ZFYVE26: variants seen among roughly 807,000 people sequenced by gnomAD.
ZFYVE26 encodes zinc finger FYVE-type containing 26.
In ZFYVE26, 181 loss-of-function variants were observed where a neutral mutation model predicts 276.5. The ratio of observed to expected loss-of-function variants is 0.65; its 90% CI spans 0.58 to 0.74. The LOEUF (loss-of-function observed/expected upper bound fraction) is 0.74. Among genes scored for constraint, ZFYVE26 ranks in the 30% least tolerant of loss-of-function variants. ZFYVE26 has a pLI of 0.00. For synonymous variants in ZFYVE26, 1,129 were observed against 1,203.1 expected, an observed-to-expected ratio of 0.94 and a Z score of 1.27; for missense variants, 2,821 against 3,097.9, an observed-to-expected ratio of 0.91 and a Z score of 2.12.
intron 13 of ZFYVE26, among the ~76,000 whole-genome samples, chr14:67,738,267 T>G (rs2140168290): frequency 6.6e-6 from 1 of 151,140 alleles, no homozygotes; most frequent in South Asian, 2.1e-4. Context: ...AGCCTAAAAG[T>G]CCATCAGTTG....
chr14:67,768,395 G>T, intron 30 of ZFYVE26, 122 bp downstream of exon 30: 1 of 1,155,840 alleles, frequency 8.7e-7, no homozygotes, highest in Non-Finnish European at 1.3e-6. Context: ...AATTTGCTTT[G>T]GCAAACAAGT....
rs181567 is a variant in ZFYVE26, at chr14:67,809,533, A to G, written c.274-244T>C. 0.7 allele frequency among the ~76,000 whole-genome samples: 104,403 copies of G among 149,800 alleles called. 36,653 individuals are homozygous for G. Among genetic ancestry groups the G allele is most frequent in the East Asian group, 0.98 (4,984 of 5,102 alleles). On this transcript the variant is annotated intron_variant, in intron 3 of 41. Transcript: ENST00000347230. ...CACCTCCCAGCTTCAAGCGATTCTC[A>G]GGCCTCAGCCTCCCGAGTAGCTGGG...
At chr14:67,771,999 C>T in intron 28 of ZFYVE26, 48 bp downstream of exon 28, 1 of 1,598,528 alleles carries the variant, frequency 6.3e-7, no homozygotes, top group East Asian at 2.2e-5. Context: ...AACTAGAATT[C>T]TCCTTTACCT....
At chr14:67,810,928 T>C (rs1383551970) in intron 3 of ZFYVE26, among the ~76,000 whole-genome samples, 1 of 151,826 alleles carries the variant, frequency 6.6e-6, no homozygotes, top group Non-Finnish European at 1.5e-5. Flanking sequence ...GTGAGGAGAG[T>C]TTAGAGCACA....
At chr14:67,795,040 C>T (rs1054855522) in intron 12 of ZFYVE26, among the ~76,000 whole-genome samples, 6 of 152,198 alleles carry the variant, frequency 3.9e-5, no homozygotes, top group Non-Finnish European at 8.8e-5. Flanking sequence ...TCTCTCTTCT[C>T]AACACCAGGC....
chr14:67,762,633 G>T (rs1002453667), intron 33 of ZFYVE26, 39 bp downstream of exon 33: 1 of 1,610,488 alleles, frequency 6.2e-7, no homozygotes, highest in Non-Finnish European at 8.5e-7. Flanking sequence ...ACTTGCTACA[G>T]TGGGGTGGAA....
At position 67,734,235 on chromosome 14, in the gene ZFYVE26, T is replaced by C. The variant is rs2038324671; in HGVS notation, n.2680-4416A>G. 4 of 246,462 alleles carry C rather than the reference T, an allele frequency of 1.6e-5. No homozygotes were observed. In the South Asian group the frequency reaches 2.2e-4, roughly 14 times the overall value. The allele number at this position is 246,462 out of a possible 1,614,324, so 15.3% of individuals were successfully genotyped here. On this transcript the variant is annotated intron_variant and non_coding_transcript_variant, in intron 13 of 14. Coordinates refer to the ZFYVE26 transcript ENST00000394455. The stretch of plus-strand genomic sequence containing the variant: ...CATCACTGCCTATTTCTAGGGGCTA[T>C]ACACTCCAACTCTTGGTTGATCTCT...
intron 13 of ZFYVE26, chr14:67,729,918 T>C: frequency 4.7e-6 from 2 of 425,376 alleles, no homozygotes; most frequent in East Asian, 7.0e-5. Flanking sequence ...GGGTGAAATC[T>C]CTTTCCCATT....
In ZFYVE26 at chr14:67,789,552, G is replaced by A; in HGVS notation, c.2802C>T (p.Asn934=). The change falls in exon 16 of 42, where the codon AAC becomes AAT. Residue 934 remains asparagine, a synonymous_variant. Transcript: ENST00000347230. ...SISDVTDKLL[N]TSGDPIPMLQ... Reference sequence around the variant, plus strand: ...GCATGGGGATGGGGTCTCCAGAGGTGTTGAGCAGCTTGTCAGTCACGTCAG... The same window carrying A: ...GCATGGGGATGGGGTCTCCAGAGGTATTGAGCAGCTTGTCAGTCACGTCAG... 1 of 1,614,156 alleles carries A rather than the reference G, an allele frequency of 6.2e-7. No homozygotes were observed. Among genetic ancestry groups the A allele is most frequent in the Non-Finnish European group, 8.5e-7 (1 of 1,180,028 alleles).
Position 67,782,885 on chromosome 14 carries a change from C to A in ZFYVE26, c.4267G>T (p.Ala1423Ser). ...TGAAGGGCCCGGGACCAATCTCTGG[C>A]CACCAAGGATTCCTCAAAAGCCTCA... ...LSEAFEESLVARDWSRALQLT... is the reference protein window; with the variant it reads ...LSEAFEESLVSRDWSRALQLT... The change falls in exon 21 of 42, where the codon GCC becomes TCC. Residue 1423 changes from alanine to serine, a missense_variant. Transcript: ENST00000347230. The A allele has an allele frequency of 6.2e-7, 1 of 1,614,224 alleles. No homozygotes were observed. Among genetic ancestry groups the A allele is most frequent in the Non-Finnish European group, 8.5e-7 (1 of 1,180,044 alleles).
chr14:67,740,688 C>T (rs1389561435), intron 13 of ZFYVE26, among the ~76,000 whole-genome samples: 1 of 152,264 alleles, frequency 6.6e-6, no homozygotes, highest in East Asian at 1.9e-4. Flanking sequence ...GCGGGTGGAT[C>T]ACGAGATCAG....
chr14:67,766,076 A>G, intron 32 of ZFYVE26, 151 bp downstream of exon 32: 1 of 814,284 alleles, frequency 1.2e-6, no homozygotes, highest in Non-Finnish European at 2.0e-6. Context: ...AGATCTGGCA[A>G]CACCGTTTCA....
In ZFYVE26 at chr14:67,767,825, T is replaced by C; in HGVS notation, c.5669A>G (p.Lys1890Arg). ...SEKPEALDSS[K>R]NESPPYSFVV... is the part of the protein sequence containing the mutation. ...AAACGAGTATGGAGGGCTTTCATTCTTGGAGCTGTCTAGAGCTGAGAAGAG... is the reference window on the plus strand; with the variant it reads ...AAACGAGTATGGAGGGCTTTCATTCCTGGAGCTGTCTAGAGCTGAGAAGAG... Residue 1890 changes from lysine to arginine, a missense_variant, in exon 31 of 42, where the codon AAG (lysine) becomes AGG (arginine). Transcript: ENST00000347230. 6.2e-7 allele frequency: 1 copy of C among 1,614,202 alleles called. No individual in the cohort carries two copies. Among genetic ancestry groups the C allele is most frequent in the Non-Finnish European group, 8.5e-7 (1 of 1,180,030 alleles).
intron 14 of ZFYVE26, 28 bp downstream of exon 14, chr14:67,793,580 G>C: frequency 6.2e-7 from 1 of 1,610,622 alleles, no homozygotes. Context: ...AGTCATTCAG[G>C]GGCTGAAAAG....
At chr14:67,788,261 T>C (rs1039541416) in intron 16 of ZFYVE26, among the ~76,000 whole-genome samples, 1 of 152,204 alleles carries the variant, frequency 6.6e-6, no homozygotes, top group Non-Finnish European at 1.5e-5. Context: ...TGGTGGCACG[T>C]GCCTGTAATC....
intron 22 of ZFYVE26, 54 bp downstream of exon 22, chr14:67,781,279 G>A (rs2039490947): frequency 3.8e-6 from 6 of 1,593,872 alleles, no homozygotes; most frequent in Admixed American, 1.7e-5. Flanking sequence ...ATAGGTTGGG[G>A]TTGATCATAG....
chr14:67,781,319 G>A lies in ZFYVE26; in HGVS notation c.4569+14C>T, dbSNP rs1398445632. 6.2e-6 allele frequency: 10 copies of A among 1,613,840 alleles called. No homozygotes were observed. The highest frequency in any genetic ancestry group is 2.2e-5 in the East Asian group (1 of 44,884). On this transcript the variant is annotated intron_variant, in intron 22 of 41. Transcript: ENST00000347230. ...AGAAGCCCGTTCCCTTTCTCTTGAT[G>A]CGAGGGCCCATACCTTCTGATACAC...
chr14:67,786,627 C>T (rs558971213), intron 16 of ZFYVE26, among the ~76,000 whole-genome samples: 186 of 152,342 alleles, frequency 1.2e-3, no homozygotes, highest in African/African-American at 4.2e-3. Flanking sequence ...TTTATGGACA[C>T]AGATTATTCC....
rs1281580776 is a variant in ZFYVE26 at position 67,766,291 on chromosome 14, G to A, written c.5947C>T (p.Leu1983=). The A allele has an allele frequency of 2.5e-6, 4 of 1,613,934 alleles. No individual in the cohort carries two copies. The South Asian group carries it at 4.4e-5, about 18-fold the overall frequency. Residue 1983 remains leucine, a synonymous_variant, in exon 32 of 42, where the codon CTG becomes TTG. Coordinates refer to ENST00000347230, the MANE Select transcript of ZFYVE26 (RefSeq NM_015346.4). ...ACGAACATCATCTTGGCGCTGAACA[G>A]CAGCTGCTTCATGATGTCCGTGAGC... ...GLLTDIMKQL[L]FSAKMMFVKA...
Sources: allele counts gnomAD v4.1 joint callset (sites outside exome capture counted in the v4.1 genomes callset), GRCh38; gene constraint gnomAD v4.1.1; transcripts MANE v1.5; gene names NCBI Gene and HGNC (gene_info 2026-07-23, HGNC 2026-07-21).